The following ANO4 variants were observed in gnomAD, a reference collection of about 807,000 sequenced individuals.
ANO4 encodes anoctamin-4.
A neutral mutation model predicts 141.9 loss-of-function variants in ANO4; 69 were observed. That is an observed-to-expected ratio of 0.49 (90% confidence interval 0.40 to 0.59). The LOEUF (loss-of-function observed/expected upper bound fraction) is 0.59. Ranked by LOEUF, ANO4 falls within the 20% of genes least tolerant of loss-of-function variation. The pLI, the probability that ANO4 is intolerant of heterozygous loss-of-function variation, is 0.00. For synonymous variants in ANO4, 350 were observed against 394.3 expected, an observed-to-expected ratio of 0.89 and a Z score of 1.33; for missense variants, 894 against 1,162.2, an observed-to-expected ratio of 0.77 and a Z score of 3.36.
chr12:101,070,710 C>A (rs1379767188), intron 14 of ANO4, among the ~76,000 whole-genome samples: 2 of 152,034 alleles, frequency 1.3e-5, no homozygotes, highest in Non-Finnish European at 2.9e-5. Flanking sequence ...AAGGAAACAA[C>A]ATGAAGAGAC....
intron 1 of ANO4, among the ~76,000 whole-genome samples, chr12:100,876,764 A>G (rs1347957048): frequency 1.3e-5 from 2 of 152,136 alleles, no homozygotes; most frequent in Non-Finnish European, 2.9e-5. Flanking sequence ...GTTGACCATA[A>G]ATGCATGGGT....
chr12:100,843,987 CTTCATTCATTCA>C (rs371132889), intron 1 of ANO4, among the ~76,000 whole-genome samples: 8 of 151,852 alleles, frequency 5.3e-5, no homozygotes, highest in South Asian at 4.2e-4. Context: ...GATGGCTGTG[CTTCATTCATTCA>C]TTCATTCATT....
intron 8 of ANO4, among the ~76,000 whole-genome samples, chr12:101,003,524 A>G (rs2136412772): frequency 6.6e-6 from 1 of 152,376 alleles, no homozygotes; most frequent in African/African-American, 2.4e-5. Flanking sequence ...ATATTTTCAA[A>G]GCAGCAAATT....
intron 1 of ANO4, among the ~76,000 whole-genome samples, chr12:100,810,852 A>C (rs993970567): frequency 1.3e-5 from 2 of 152,156 alleles, no homozygotes; most frequent in African/African-American, 4.8e-5. Context: ...GTACACTATC[A>C]TGAACTCTTG....
At chr12:101,034,838 AT>A (rs1483662203) in intron 9 of ANO4, among the ~76,000 whole-genome samples, 1 of 152,210 alleles carries the variant, frequency 6.6e-6, no homozygotes, top group Non-Finnish European at 1.5e-5. Flanking sequence ...TCATTAAAAA[AT>A]GAGAATTAAA....
chr12:101,110,544 G>A lies in ANO4; in HGVS notation c.2290G>A (p.Ala764Thr). 1 of 1,588,872 alleles carries A rather than the reference G, an allele frequency of 6.3e-7. No individual in the cohort carries two copies. The highest frequency in any genetic ancestry group is 2.3e-5 in the East Asian group (1 of 43,862). Residue 764 changes from alanine (A) to threonine (T), a missense_variant, in exon 23 of 28, where the codon GCC (alanine) becomes ACC (threonine). Ala to Thr is a moderately conservative substitution (Grantham distance 58). Transcript: ENST00000392977. The part of the protein sequence containing the change: ...TQWRRPLASR[A>T]KDIGIWYGIL... ...GTGGAGGAGACCTTTAGCTTCAAGG[G>A]CCAAAGACATAGGTAAGTTGGATTT...
intron 22 of ANO4, among the ~76,000 whole-genome samples, chr12:101,103,908 ATAG>A (rs113896748): frequency 0.013 from 2,015 of 152,076 alleles, 40 homozygotes; most frequent in African/African-American, 0.046. Context: ...CTTAATAGAT[ATAG>A]GACTATTTCA....
chr12:100,749,119 G>C (rs2032247232), intron 3 of ANO4, among the ~76,000 whole-genome samples: 1 of 152,130 alleles, frequency 6.6e-6, no homozygotes, highest in Non-Finnish European at 1.5e-5. Context: ...CAAGCAGCAG[G>C]ACAGTGTGCA....
chr12:101,024,520 C>T (rs1593047429), intron 9 of ANO4, among the ~76,000 whole-genome samples: 1 of 151,768 alleles, frequency 6.6e-6, no homozygotes, highest in Admixed American at 6.6e-5. Flanking sequence ...TGCTTGAACC[C>T]GGGAGGCAGA....
chr12:100,835,702 C>T (rs989409715), intron 1 of ANO4, among the ~76,000 whole-genome samples: 23 of 152,164 alleles, frequency 1.5e-4, no homozygotes, highest in African/African-American at 5.5e-4. Context: ...CTACAGGGCA[C>T]TCAAGGAACA....
At chr12:100,909,421 A>G (rs958500056) in intron 2 of ANO4, among the ~76,000 whole-genome samples, 2 of 152,126 alleles carry the variant, frequency 1.3e-5, no homozygotes, top group Non-Finnish European at 2.9e-5. Flanking sequence ...CCTTGACTAC[A>G]CACAGCGAGG....
At chr12:100,738,210 G>T (rs1047751072) in intron 2 of ANO4, among the ~76,000 whole-genome samples, 9 of 152,146 alleles carry the variant, frequency 5.9e-5, no homozygotes, top group Non-Finnish European at 1.2e-4. Flanking sequence ...CCCAAGAGGG[G>T]ACATGATGGT....
At chr12:100,905,103 G>A (rs1160513278) in intron 2 of ANO4, among the ~76,000 whole-genome samples, 1 of 152,204 alleles carries the variant, frequency 6.6e-6, no homozygotes, top group African/African-American at 2.4e-5. Context: ...GTGGGGCTGA[G>A]TTCAGAAGTT....
chr12:101,036,557 C>A (rs977198953), intron 9 of ANO4, among the ~76,000 whole-genome samples: 24 of 152,250 alleles, frequency 1.6e-4, no homozygotes, highest in African/African-American at 5.3e-4. Flanking sequence ...CATGGATGAA[C>A]TTGGAAGGCA....
intron 7 of ANO4, among the ~76,000 whole-genome samples, chr12:100,975,161 CTT>C (rs60844353): frequency 7.8e-5 from 11 of 141,060 alleles, no homozygotes; most frequent in Admixed American, 7.1e-5. Context: ...TTAGCCCATT[CTT>C]TTTTTTTTTT....
intron 5 of ANO4, among the ~76,000 whole-genome samples, chr12:100,952,990 A>G (rs929852324): frequency 1.3e-5 from 2 of 152,212 alleles, no homozygotes; most frequent in Non-Finnish European, 2.9e-5. Context: ...AATACCCATT[A>G]TACAAGGCAC....
chr12:100,976,288 G>A (rs1156451056), intron 7 of ANO4, among the ~76,000 whole-genome samples: 3 of 152,168 alleles, frequency 2.0e-5, no homozygotes, highest in Non-Finnish European at 2.9e-5. Context: ...GGTACATTAT[G>A]GTGGGTTTAC....
chr12:100,946,210 G>T (rs749397862), intron 5 of ANO4, among the ~76,000 whole-genome samples: 6 of 152,208 alleles, frequency 3.9e-5, no homozygotes, highest in Non-Finnish European at 7.3e-5. Context: ...CAACAAGGCA[G>T]TGGAAGCCTT....
chr12:100,840,219 C>T (rs2135806634), intron 1 of ANO4, among the ~76,000 whole-genome samples: 1 of 152,228 alleles, frequency 6.6e-6, no homozygotes, highest in East Asian at 1.9e-4. Flanking sequence ...GACTTCAGTG[C>T]AATTAACAAT....
Sources: allele counts gnomAD v4.1 joint callset (sites outside exome capture counted in the v4.1 genomes callset), GRCh38; gene constraint gnomAD v4.1.1; transcripts MANE v1.5; gene names NCBI Gene and HGNC (gene_info 2026-07-23, HGNC 2026-07-21).